Variants in STK32B observed in about 807,000 individuals in gnomAD.
The protein encoded by STK32B is serine/threonine-protein kinase 32B.
A neutral mutation model predicts 52.6 loss-of-function variants in STK32B; 43 were observed. The ratio of observed to expected loss-of-function variants is 0.82; its 90% CI spans 0.64 to 1.05. STK32B has a LOEUF of 1.05. Ranked by LOEUF, STK32B falls within the 50% of genes least tolerant of loss-of-function variation. The pLI, the probability that STK32B is intolerant of heterozygous loss-of-function variation, is 0.00. For missense variants in STK32B, 621 were observed against 534.6 expected, an observed-to-expected ratio of 1.16 and a Z score of -1.59; for synonymous variants, 238 against 204.3, an observed-to-expected ratio of 1.17 and a Z score of -1.41.
At position 5,057,383 on chromosome 4, in the gene STK32B, C is replaced by T. The variant is rs372980218; in HGVS notation, c.52+5468C>T. 3.9e-5 allele frequency among the ~76,000 whole-genome samples: 6 copies of T among 152,118 alleles called. No homozygotes were observed. The East Asian group carries it at 7.7e-4, about 20-fold the overall frequency. ...TCTTAATCATGGTGCACAGAGAACT[C>T]CCAAGAAATTCCCAAAAAGAGATAG... On this transcript the variant is annotated intron_variant, in intron 1 of 11. Coordinates refer to ENST00000282908, the MANE Select transcript of STK32B (RefSeq NM_018401.3).
intron 11 of STK32B, among the ~76,000 whole-genome samples, chr4:5,495,528 C>T (rs1463245473): frequency 6.6e-6 from 1 of 152,176 alleles, no homozygotes. Context: ...TGAATTTCCT[C>T]CTGTAGCTCG....
chr4:5,347,305 C>T (rs1170578004), intron 4 of STK32B, among the ~76,000 whole-genome samples: 1 of 152,182 alleles, frequency 6.6e-6, no homozygotes, highest in Admixed American at 6.6e-5. Context: ...TCTAATCTCC[C>T]TGAAGCTTTG....
At chr4:5,425,078 AG>A (rs1712972467) in intron 6 of STK32B, among the ~76,000 whole-genome samples, 1 of 152,218 alleles carries the variant, frequency 6.6e-6, no homozygotes, top group Admixed American at 6.5e-5. Flanking sequence ...CAGGATGCCT[AG>A]CTGTGTGCAG....
At chr4:5,476,909 C>A (rs1460704573) in intron 11 of STK32B, among the ~76,000 whole-genome samples, 5 of 151,746 alleles carry the variant, frequency 3.3e-5, no homozygotes, top group Non-Finnish European at 1.5e-5. Context: ...ATGCCGCCAC[C>A]AGATTGGTGG....
At chr4:5,056,672 C>T (rs1439677784) in intron 1 of STK32B, among the ~76,000 whole-genome samples, 1 of 152,114 alleles carries the variant, frequency 6.6e-6, no homozygotes, top group Non-Finnish European at 1.5e-5. Flanking sequence ...CAGAAAATGT[C>T]CCACGGTTAC....
At chr4:5,457,325 C>T (rs1164087345) in intron 8 of STK32B, among the ~76,000 whole-genome samples, 2 of 149,384 alleles carry the variant, frequency 1.3e-5, no homozygotes, top group Non-Finnish European at 3.0e-5. Context: ...ACGCCATTTT[C>T]CTGCCTCAGC....
intron 6 of STK32B, among the ~76,000 whole-genome samples, chr4:5,420,268 C>A (rs1158428183): frequency 1.3e-5 from 2 of 152,142 alleles, no homozygotes; most frequent in African/African-American, 2.4e-5. Context: ...TAAGTGAATT[C>A]ATTCACTTAT....
At chr4:5,480,640 G>A (rs1293833182) in intron 11 of STK32B, among the ~76,000 whole-genome samples, 1 of 151,928 alleles carries the variant, frequency 6.6e-6, no homozygotes, top group Non-Finnish European at 1.5e-5. Context: ...GTGCAGGTTA[G>A]TTACATTTGT....
At chr4:5,412,215 C>G (rs1264793423) in intron 5 of STK32B, among the ~76,000 whole-genome samples, 1 of 152,178 alleles carries the variant, frequency 6.6e-6, no homozygotes, top group Non-Finnish European at 1.5e-5. Context: ...ATCTCCTTCT[C>G]TTTGATTTTT....
intron 3 of STK32B, among the ~76,000 whole-genome samples, chr4:5,279,091 A>T (rs1381431920): frequency 6.6e-6 from 1 of 152,138 alleles, no homozygotes; most frequent in Non-Finnish European, 1.5e-5. Flanking sequence ...TCACATTTCA[A>T]AACCAATCAT....
intron 1 of STK32B, among the ~76,000 whole-genome samples, chr4:5,127,408 A>G (rs947314002): frequency 1.1e-4 from 16 of 152,136 alleles, no homozygotes; most frequent in African/African-American, 3.1e-4. Flanking sequence ...GACAGAATTA[A>G]TTGCCCTGAT....
rs75495921 is a variant in STK32B at position 5,241,312 on chromosome 4, T to C, written c.260+72862T>C. The stretch of plus-strand genomic sequence containing the variant: ...ATGATATACCAGTATAATAAAAAGA[T>C]TTGAGGATCGTTGCCCCATGTACCA... On this transcript the variant is annotated intron_variant, in intron 3 of 11. Transcript: ENST00000282908. Among the ~76,000 whole-genome samples, 47 of 152,312 alleles carry C rather than the reference T, an allele frequency of 3.1e-4. No individual in the cohort carries two copies. The East Asian group carries it at 7.9e-3, about 26-fold the overall frequency.
At chr4:5,482,899 G>T (rs1314577239) in intron 11 of STK32B, among the ~76,000 whole-genome samples, 1 of 152,136 alleles carries the variant, frequency 6.6e-6, no homozygotes, top group Non-Finnish European at 1.5e-5. Flanking sequence ...TTATTGATTT[G>T]CATATGTTGA....
At chr4:5,102,985 C>G (rs1361709269) in intron 1 of STK32B, among the ~76,000 whole-genome samples, 1 of 142,514 alleles carries the variant, frequency 7.0e-6, no homozygotes, top group Non-Finnish European at 1.5e-5. Flanking sequence ...TTTCTTTCTT[C>G]CCACCAGCAT....
At chr4:5,221,873 A>C (rs2108797214) in intron 3 of STK32B, among the ~76,000 whole-genome samples, 1 of 151,880 alleles carries the variant, frequency 6.6e-6, no homozygotes, top group Non-Finnish European at 1.5e-5. Flanking sequence ...AAAAAAAAAA[A>C]AAATTCAGGT....
intron 3 of STK32B, among the ~76,000 whole-genome samples, chr4:5,176,546 T>A (rs547482022): frequency 6.6e-6 from 1 of 150,666 alleles, no homozygotes; most frequent in Non-Finnish European, 1.5e-5. Flanking sequence ...AAGGTTTAAG[T>A]GATTCTCCTT....
At chr4:5,358,779 C>A (rs1388554379) in intron 4 of STK32B, among the ~76,000 whole-genome samples, 1 of 152,016 alleles carries the variant, frequency 6.6e-6, no homozygotes, top group Non-Finnish European at 1.5e-5. Flanking sequence ...TCCAGTGCAG[C>A]CTCCCTTTCC....
At chr4:5,047,611 C>T (rs1163602965), upstream of STK32B, among the ~76,000 whole-genome samples, 2 of 152,138 alleles carry the variant, frequency 1.3e-5, no homozygotes, top group African/African-American at 4.8e-5. Context: ...TGTAAAGTAT[C>T]AACTCTGTAC....
rs114751361 is a variant in STK32B at position 5,339,642 on chromosome 4, A to G, written c.434+8249A>G. Among the ~76,000 whole-genome samples the G allele has an allele frequency of 7.5e-3, 1,135 of 152,276 alleles. 11 individuals carry two copies. Among genetic ancestry groups the G allele is most frequent in the African/African-American group, 0.026 (1,089 of 41,566 alleles). On this transcript the variant is annotated intron_variant, in intron 4 of 11. Coordinates refer to ENST00000282908, the MANE Select transcript of STK32B (RefSeq NM_018401.3). Reference sequence around the variant, plus strand: ...TTCTTTCAAAGTAGCCACACTCGGAAGTGGAGGAATTATCCCACAAATGCA... The same window carrying G: ...TTCTTTCAAAGTAGCCACACTCGGAGGTGGAGGAATTATCCCACAAATGCA...
Sources: allele counts gnomAD v4.1 joint callset (sites outside exome capture counted in the v4.1 genomes callset), GRCh38; gene constraint gnomAD v4.1.1; transcripts MANE v1.5; gene names NCBI Gene and HGNC (gene_info 2026-07-23, HGNC 2026-07-21).